Variants in STAG1 observed in about 807,000 individuals in gnomAD.
STAG1 encodes the protein cohesin subunit SA-1.
Under a neutral mutation model 170.9 loss-of-function variants are expected in STAG1, and 26 were observed. That is an observed-to-expected ratio of 0.15 (90% CI 0.11 to 0.21). The LOEUF (loss-of-function observed/expected upper bound fraction) is 0.21. STAG1 is among the 10% of genes least tolerant of loss of function. STAG1 has a pLI of 1.00. For synonymous variants in STAG1, 514 were observed against 497.7 expected (o/e 1.03, Z -0.44); for missense variants, 964 against 1,509.5 (o/e 0.64, Z 5.99).
At chr3:136,633,423 A>ATGTCCTGGCTG in intron 1 of STAG1, among the ~76,000 whole-genome samples, 1 of 152,270 alleles carries the variant, frequency 6.6e-6, no homozygotes, top group South Asian at 2.1e-4. Context: ...AAGGGAGGCC[A>ATGTCCTGGCTG]GACATGGTGG....
chr3:136,626,476 G>T (rs1284379716), intron 2 of STAG1, among the ~76,000 whole-genome samples: 1 of 151,620 alleles, frequency 6.6e-6, no homozygotes. Flanking sequence ...TATATTTTAG[G>T]CTTATGGGTC....
At chr3:136,712,237 C>G (rs796400793) in intron 1 of STAG1, among the ~76,000 whole-genome samples, 4 of 152,016 alleles carry the variant, frequency 2.6e-5, no homozygotes, top group African/African-American at 9.7e-5. Context: ...AGGATGGTCT[C>G]GATCTCCTGA....
intron 22 of STAG1, among the ~76,000 whole-genome samples, chr3:136,380,656 G>A (rs1937904542): frequency 1.3e-5 from 2 of 152,102 alleles, no homozygotes; most frequent in South Asian, 4.1e-4. Context: ...AGAGCCTGTT[G>A]ATGATTACTC....
At chr3:136,750,032 A>G (rs1440865137) in intron 1 of STAG1, among the ~76,000 whole-genome samples, 1 of 152,204 alleles carries the variant, frequency 6.6e-6, no homozygotes, top group Non-Finnish European at 1.5e-5. Flanking sequence ...TTCTTCTCAC[A>G]GCACTGAGAT....
intron 24 of STAG1, among the ~76,000 whole-genome samples, chr3:136,368,372 T>C (rs1268514555): frequency 6.6e-6 from 1 of 152,194 alleles, no homozygotes; most frequent in Non-Finnish European, 1.5e-5. Flanking sequence ...TCTGCAGGCA[T>C]AGCACAATTT....
chr3:136,523,183 C>G (rs1430176570), intron 6 of STAG1, among the ~76,000 whole-genome samples: 2 of 152,154 alleles, frequency 1.3e-5, no homozygotes, highest in Non-Finnish European at 2.9e-5. Flanking sequence ...ACAGTCCCAA[C>G]AACAGTGTAA....
chr3:136,637,858 A>G (rs1422032851), intron 1 of STAG1, among the ~76,000 whole-genome samples: 3 of 151,970 alleles, frequency 2.0e-5, no homozygotes, highest in East Asian at 1.9e-4. Context: ...TCACTTCTAC[A>G]TATGTGTGAA....
intron 1 of STAG1, among the ~76,000 whole-genome samples, chr3:136,652,018 G>T (rs1479624382): frequency 1.3e-5 from 2 of 152,196 alleles, no homozygotes; most frequent in African/African-American, 4.8e-5. Flanking sequence ...CATCACAGCA[G>T]AAAGTAGAAA....
intron 1 of STAG1, among the ~76,000 whole-genome samples, chr3:136,695,809 T>TG (rs566883360): frequency 8.2e-4 from 96 of 117,698 alleles, no homozygotes; most frequent in African/African-American, 3.0e-3. Flanking sequence ...ACTTACCAAG[T>TG]GGGGGAAAAA....
At chr3:136,642,659 T>C (rs1940848192) in intron 1 of STAG1, among the ~76,000 whole-genome samples, 2 of 152,232 alleles carry the variant, frequency 1.3e-5, no homozygotes, top group African/African-American at 4.8e-5. Flanking sequence ...TTATCTTTTA[T>C]TCTTATACTT....
rs1356725079 is a variant in STAG1, at chr3:136,338,091, C to T, written c.*163G>A. 3 of 584,076 alleles carry T rather than the reference C, an allele frequency of 5.1e-6. No homozygotes were observed. Among genetic ancestry groups the T allele is most frequent in the South Asian group, 2.5e-5 (1 of 40,776 alleles). The allele number at this position is 584,076 out of a possible 1,614,324, so 36.2% of individuals were successfully genotyped here. On this transcript the variant is annotated 3_prime_UTR_variant, in exon 34 of 34. Coordinates refer to ENST00000383202, the MANE Select transcript of STAG1 (RefSeq NM_005862.3). ...CACCAACATTCCCTTGGGTAATTTA[C>T]ATGCTCCTCTTCTGTCACTGCAAAA...
intron 4 of STAG1, among the ~76,000 whole-genome samples, chr3:136,584,040 A>C (rs1576632904): frequency 6.6e-6 from 1 of 152,212 alleles, no homozygotes; most frequent in Admixed American, 6.5e-5. Context: ...ACAACTGTTC[A>C]ATTTTAAAGC....
chr3:136,451,953 T>C (rs2088954883), intron 14 of STAG1, 80 bp downstream of exon 14: 4 of 926,238 alleles, frequency 4.3e-6, no homozygotes, highest in Admixed American at 2.8e-5. Flanking sequence ...TTTTATTTGA[T>C]TGAAAAAAAT....
At chr3:136,490,051 AT>A (rs2090093760) in intron 9 of STAG1, among the ~76,000 whole-genome samples, 1 of 151,980 alleles carries the variant, frequency 6.6e-6, no homozygotes, top group Non-Finnish European at 1.5e-5. Context: ...ATTTAATTTA[AT>A]TTTTTTGGGA....
chr3:136,465,206 C>G (rs764553079), intron 12 of STAG1, among the ~76,000 whole-genome samples: 1 of 147,940 alleles, frequency 6.8e-6, no homozygotes, highest in Non-Finnish European at 1.5e-5. Flanking sequence ...ATAAAATGCT[C>G]ACAATTCTTC....
intron 21 of STAG1, among the ~76,000 whole-genome samples, chr3:136,410,200 G>A (rs1011094700): frequency 2.0e-5 from 3 of 151,832 alleles, no homozygotes; most frequent in Admixed American, 1.3e-4. Flanking sequence ...AGGAGTTCAA[G>A]ACCAGCCTGG....
intron 7 of STAG1, among the ~76,000 whole-genome samples, chr3:136,506,982 T>TA (rs757752136): frequency 2.0e-5 from 3 of 152,174 alleles, no homozygotes; most frequent in African/African-American, 4.8e-5. Context: ...CAAAAGAATG[T>TA]ATTATTTATT....
rs146330433 is a variant in STAG1 at position 136,354,585 on chromosome 3, A to C, written c.3065+3135T>G. Among the ~76,000 whole-genome samples the C allele has an allele frequency of 2.0e-5, 3 of 152,068 alleles. No homozygotes were observed. In the East Asian group the frequency reaches 5.8e-4, roughly 29 times the overall value. On this transcript the variant is annotated intron_variant, in intron 28 of 33. Coordinates refer to ENST00000383202, the MANE Select transcript of STAG1 (RefSeq NM_005862.3). ...CCAAAGTGCTGGGATTACAGGTGTG[A>C]GCCACTGCACTCGGCCAGTAAATTT...
chr3:136,714,206 A>C (rs1337462591), intron 1 of STAG1, among the ~76,000 whole-genome samples: 2 of 152,028 alleles, frequency 1.3e-5, no homozygotes, highest in African/African-American at 4.8e-5. Flanking sequence ...CCTACCCCCC[A>C]AAAAAGTGTA....
Sources: allele counts gnomAD v4.1 joint callset (sites outside exome capture counted in the v4.1 genomes callset), GRCh38; gene constraint gnomAD v4.1.1; transcripts MANE v1.5; gene names NCBI Gene and HGNC (gene_info 2026-07-23, HGNC 2026-07-21).